The following AVEN variants were observed in gnomAD, a reference collection of about 807,000 sequenced individuals.
AVEN encodes the protein cell death regulator Aven.
In AVEN, 41 loss-of-function variants were observed where a neutral mutation model predicts 38.1. That is an observed-to-expected ratio of 1.08 (90% CI 0.84 to 1.40). The LOEUF (loss-of-function observed/expected upper bound fraction) is 1.40. Ranked by LOEUF, AVEN falls within the 40% of genes most tolerant of loss-of-function variation. The pLI, the probability that AVEN is intolerant of heterozygous loss-of-function variation, is 0.00. For missense variants in AVEN, 605 were observed against 438.8 expected, an observed-to-expected ratio of 1.38 and a Z score of -3.38; for synonymous variants, 206 against 171.8, an observed-to-expected ratio of 1.20 and a Z score of -1.56.
downstream of AVEN, among the ~76,000 whole-genome samples, chr15:33,861,402 A>T (rs187056936): frequency 9.9e-5 from 15 of 152,030 alleles, no homozygotes; most frequent in African/African-American, 3.6e-4. Flanking sequence ...TCAACCTGTG[A>T]TTGGATTCCA....
chr15:34,055,562 G>C (rs902266763), intron 5 of AVEN, among the ~76,000 whole-genome samples: 2 of 151,908 alleles, frequency 1.3e-5, no homozygotes, highest in Non-Finnish European at 2.9e-5. Context: ...AGCACTTTGG[G>C]AGGCTGAGGT....
At chr15:33,968,828 T>A (rs1361751139) in intron 2 of AVEN, 1 of 152,116 alleles carries the variant, frequency 6.6e-6, no homozygotes, top group Admixed American at 6.6e-5. Flanking sequence ...AACCAGGATT[T>A]CTCATTGCTG....
chr15:34,026,541 C>G (rs1484869921), intron 1 of AVEN, among the ~76,000 whole-genome samples: 1 of 152,014 alleles, frequency 6.6e-6, no homozygotes, highest in Non-Finnish European at 1.5e-5. Flanking sequence ...CACATATAAG[C>G]TGACGTCACC....
chr15:33,858,376 G>T (rs1237269866), downstream of AVEN, among the ~76,000 whole-genome samples: 7 of 151,892 alleles, frequency 4.6e-5, no homozygotes, highest in Non-Finnish European at 1.0e-4. Context: ...GGCTAATTTT[G>T]TATTTTTTTT....
At chr15:33,936,454 A>T (rs1331218422) in intron 2 of AVEN, among the ~76,000 whole-genome samples, 1 of 152,264 alleles carries the variant, frequency 6.6e-6, no homozygotes, top group African/African-American at 2.4e-5. Context: ...ACTCATGGAA[A>T]CAATAACAAC....
At chr15:34,001,213 G>A (rs1451597416) in intron 2 of AVEN, among the ~76,000 whole-genome samples, 2 of 151,852 alleles carry the variant, frequency 1.3e-5, no homozygotes, top group African/African-American at 4.8e-5. Flanking sequence ...GTAGAAACGG[G>A]GTTTCACTAT....
chr15:33,857,521 A>G (rs1233137479), downstream of AVEN, among the ~76,000 whole-genome samples: 1 of 152,044 alleles, frequency 6.6e-6, no homozygotes, highest in East Asian at 1.9e-4. Flanking sequence ...CAGCATATGA[A>G]TTTGAAGGGA....
At chr15:33,933,562 G>A (rs1893953439) in intron 2 of AVEN, among the ~76,000 whole-genome samples, 1 of 145,116 alleles carries the variant, frequency 6.9e-6, no homozygotes, top group African/African-American at 2.6e-5. Context: ...GAGAGAGAGA[G>A]AGAGAGAGAG....
At chr15:34,005,183 A>G (rs1243079110) in intron 1 of AVEN, among the ~76,000 whole-genome samples, 2 of 152,174 alleles carry the variant, frequency 1.3e-5, no homozygotes, top group Non-Finnish European at 2.9e-5. Context: ...TTTAAAAAAT[A>G]TTCTTCATCT....
rs753487605 is a variant in AVEN, at chr15:34,003,181, T to C, written c.296A>G (p.Tyr99Cys). 6.2e-6 allele frequency: 10 copies of C among 1,613,652 alleles called. No individual in the cohort carries two copies. The highest frequency in any genetic ancestry group is 1.6e-4 in the Middle Eastern group (1 of 6,078). Reference protein sequence around the residue: ...PVEDDSDAETYGEENDEQGNY... With the variant: ...PVEDDSDAETCGEENDEQGNY... Reference sequence around the variant, plus strand: ...TCCCTGTTCATCATTCTCTTCTCCATAGGTCTCTGCATCGCTGTCATCTTC... The same window carrying C: ...TCCCTGTTCATCATTCTCTTCTCCACAGGTCTCTGCATCGCTGTCATCTTC... The change falls in exon 2 of 6, where the codon TAT (tyrosine) becomes TGT (cysteine). Residue 99 changes from tyrosine (Y) to cysteine (C), a missense_variant. By Grantham distance (194) the Tyr-to-Cys change is radical. Transcript: ENST00000306730.
At chr15:34,050,611 CAT>C (rs1247966071) in intron 5 of AVEN, among the ~76,000 whole-genome samples, 3 of 152,080 alleles carry the variant, frequency 2.0e-5, no homozygotes, top group Admixed American at 6.5e-5. Context: ...AGACTCATCT[CAT>C]GTGTGAAGAC....
At chr15:34,023,895 CT>C (rs1256818354) in intron 1 of AVEN, among the ~76,000 whole-genome samples, 5 of 152,136 alleles carry the variant, frequency 3.3e-5, no homozygotes, top group Admixed American at 1.3e-4. Flanking sequence ...CTCATTCTGG[CT>C]CTTTTTATTG....
chr15:33,989,540 C>G (rs974071601), intron 2 of AVEN, among the ~76,000 whole-genome samples: 3 of 151,816 alleles, frequency 2.0e-5, no homozygotes, highest in African/African-American at 7.3e-5. Context: ...ACCACCTAAA[C>G]ACATATACTA....
chr15:33,857,375 C>G (rs1270061651), downstream of AVEN, among the ~76,000 whole-genome samples: 4 of 151,676 alleles, frequency 2.6e-5, no homozygotes, highest in African/African-American at 9.7e-5. Flanking sequence ...TCTCCAACTC[C>G]TTTTCTTCTA....
intron 1 of AVEN, among the ~76,000 whole-genome samples, chr15:34,017,473 A>ATTTTTTTTTTTTTTTTT (rs200988059): frequency 9.9e-6 from 1 of 101,452 alleles, no homozygotes; most frequent in African/African-American, 3.5e-5. Flanking sequence ...TTTCAGTATG[A>ATTTTTTTTTTTTTTTTT]TTTTTTTTTT....
intron 2 of AVEN, among the ~76,000 whole-genome samples, chr15:33,954,232 A>AAG (rs1894867029): frequency 6.6e-6 from 1 of 152,222 alleles, no homozygotes; most frequent in African/African-American, 2.4e-5. Flanking sequence ...ACCATTGCGG[A>AAG]AGACAGTGTG....
intron 2 of AVEN, among the ~76,000 whole-genome samples, chr15:33,930,227 C>G (rs908332138): frequency 6.6e-6 from 1 of 152,130 alleles, no homozygotes; most frequent in Non-Finnish European, 1.5e-5. Flanking sequence ...GTGAGCAGAA[C>G]CATGTCCCAA....
downstream of AVEN, among the ~76,000 whole-genome samples, chr15:33,863,702 T>TCTAA (rs542182618): frequency 1.3e-5 from 2 of 152,300 alleles, no homozygotes; most frequent in South Asian, 2.1e-4. Flanking sequence ...TTAAATACTT[T>TCTAA]CTAACTTTTC....
intron 2 of AVEN, among the ~76,000 whole-genome samples, chr15:33,884,577 T>A (rs184766292): frequency 6.6e-6 from 1 of 152,314 alleles, no homozygotes; most frequent in Non-Finnish European, 1.5e-5. Flanking sequence ...GACATTAAAC[T>A]TGCTAGAACT....
Sources: gnomAD v4.1 joint callset for allele counts (sites outside exome capture counted in the v4.1 genomes callset) on GRCh38, gnomAD v4.1.1 for gene constraint, MANE v1.5 for transcripts, NCBI Gene and HGNC (gene_info 2026-07-23, HGNC 2026-07-21) for gene names.